Variants in RGL1 observed in about 807,000 individuals in gnomAD.
RGL1 encodes the protein ral guanine nucleotide dissociation stimulator like 1, also known as ral guanine nucleotide dissociation stimulator-like 1.
Under a neutral mutation model 95.2 loss-of-function variants are expected in RGL1, and 24 were observed. The ratio of observed to expected loss-of-function variants is 0.25; its 90% CI spans 0.18 to 0.35. RGL1 has a LOEUF of 0.35. RGL1 is among the 10% of genes least tolerant of loss of function. The pLI, the probability that RGL1 is intolerant of heterozygous loss-of-function variation, is 1.00. For missense variants in RGL1, 715 were observed against 936.3 expected (o/e 0.76, Z 3.08); for synonymous variants, 329 against 344.9 (o/e 0.95, Z 0.51).
chr1:183,666,212 T>A (rs1221035853), intron 1 of RGL1, among the ~76,000 whole-genome samples: 2 of 151,818 alleles, frequency 1.3e-5, no homozygotes, highest in Non-Finnish European at 2.9e-5. Flanking sequence ...TCCATGTTGG[T>A]CAGGCTGGTC....
chr1:183,791,508 T>C (rs1660439670), intron 2 of RGL1, among the ~76,000 whole-genome samples: 1 of 152,226 alleles, frequency 6.6e-6, no homozygotes, highest in African/African-American at 2.4e-5. Context: ...CAAATATTTC[T>C]GGGAAAACAC....
intron 3 of RGL1, among the ~76,000 whole-genome samples, chr1:183,864,255 TA>T (rs1558256968): frequency 6.6e-6 from 1 of 152,188 alleles, no homozygotes; most frequent in African/African-American, 2.4e-5. Context: ...AGTTGAAAGA[TA>T]AAAAGATGTG....
At chr1:183,902,254 G>C (rs992121827) in intron 11 of RGL1, among the ~76,000 whole-genome samples, 3 of 152,192 alleles carry the variant, frequency 2.0e-5, no homozygotes, top group African/African-American at 7.2e-5. Flanking sequence ...AAGTGTAATG[G>C]AATATTTACT....
intron 8 of RGL1, among the ~76,000 whole-genome samples, chr1:183,890,502 T>G (rs1157489968): frequency 3.3e-5 from 5 of 152,200 alleles, no homozygotes; most frequent in African/African-American, 1.2e-4. Flanking sequence ...ACTACAGAAG[T>G]GTCACAGTTC....
intron 1 of RGL1, among the ~76,000 whole-genome samples, chr1:183,740,594 T>C (rs1657232000): frequency 6.6e-6 from 1 of 152,218 alleles, no homozygotes; most frequent in Non-Finnish European, 1.5e-5. Flanking sequence ...TGAAGACATT[T>C]CCATGAAAAC....
intron 2 of RGL1, among the ~76,000 whole-genome samples, chr1:183,766,434 T>C (rs1658970376): frequency 6.6e-6 from 1 of 152,112 alleles, no homozygotes. Flanking sequence ...CTCCAGTCAA[T>C]ATAATTTTCT....
At chr1:183,803,430 A>G (rs760814845), upstream of RGL1, among the ~76,000 whole-genome samples, 1 of 152,208 alleles carries the variant, frequency 6.6e-6, no homozygotes, top group Non-Finnish European at 1.5e-5. Context: ...AGGTTCACTC[A>G]CTGCAAGGCT....
At chr1:183,663,956 T>C (rs1019591738) in intron 1 of RGL1, among the ~76,000 whole-genome samples, 3 of 150,498 alleles carry the variant, frequency 2.0e-5, no homozygotes, top group Non-Finnish European at 4.4e-5. Context: ...AGTAAACCAT[T>C]GCAAGAACAA....
intron 1 of RGL1, chr1:183,742,106 C>A: frequency 6.2e-7 from 1 of 1,602,486 alleles, no homozygotes; most frequent in Non-Finnish European, 8.5e-7. Context: ...ACCTGGATCA[C>A]ACTTTATTCT....
intron 1 of RGL1, among the ~76,000 whole-genome samples, chr1:183,740,784 G>T (rs963367995): frequency 6.6e-6 from 1 of 152,112 alleles, no homozygotes; most frequent in African/African-American, 2.4e-5. Context: ...TATAAGATCT[G>T]CTGCCTCCTT....
At chr1:183,687,122 G>A (rs1572276498) in intron 1 of RGL1, among the ~76,000 whole-genome samples, 3 of 152,210 alleles carry the variant, frequency 2.0e-5, no homozygotes, top group Admixed American at 2.0e-4. Context: ...CCCTCTGTCT[G>A]TCATCACCAT....
chr1:183,647,792 G>C lies in RGL1; in HGVS notation c.-33+11291G>C. The C allele has an allele frequency of 2.5e-6, 4 of 1,614,128 alleles. 1 individual carries two copies. In the South Asian group the frequency reaches 4.4e-5, roughly 18 times the overall value. ...CAGTGGGAAGCCTTCCAAGGTCCTT[G>C]GTTTCCTGGAATGACATTTGAGGCA... On this transcript the variant is annotated intron_variant, in intron 1 of 18. Transcript: ENST00000304685.
chr1:183,715,890 T>C (rs894707135), intron 1 of RGL1, among the ~76,000 whole-genome samples: 1 of 152,156 alleles, frequency 6.6e-6, no homozygotes, highest in East Asian at 1.9e-4. Context: ...GCTGATGTTG[T>C]AGTTCTAGTG....
intron 1 of RGL1, among the ~76,000 whole-genome samples, chr1:183,651,880 T>C (rs1245507568): frequency 6.6e-6 from 1 of 152,190 alleles, no homozygotes; most frequent in African/African-American, 2.4e-5. Context: ...ACCTCCTCCT[T>C]GCTTAGCCTT....
chr1:183,748,312 C>G (rs939298675), intron 2 of RGL1, among the ~76,000 whole-genome samples: 1 of 150,842 alleles, frequency 6.6e-6, no homozygotes, highest in African/African-American at 2.4e-5. Context: ...TCTCTAACTC[C>G]TTGAGTTCTG....
rs550634088 is a variant in RGL1, at chr1:183,697,346, T to C, written c.-32-44780T>C. Among the ~76,000 whole-genome samples the C allele has an allele frequency of 1.3e-3, 200 of 152,196 alleles. 1 individual carries two copies. The highest frequency in any genetic ancestry group is 2.4e-3 in the Non-Finnish European group (166 of 68,030). ...TATTTCTCCCTATTGTGTTTATTAT[T>C]TTCTAATATTTTACATGGTTTGCTT... On this transcript the variant is annotated intron_variant, in intron 1 of 18. Transcript: ENST00000304685.
chr1:183,712,685 T>C (rs1310292663), intron 1 of RGL1, among the ~76,000 whole-genome samples: 1 of 152,188 alleles, frequency 6.6e-6, no homozygotes, highest in Admixed American at 6.5e-5. Context: ...ATAATTTAGT[T>C]TATGTCTTCA....
chr1:183,664,785 G>T (rs1291777550), intron 1 of RGL1, among the ~76,000 whole-genome samples: 2 of 151,878 alleles, frequency 1.3e-5, no homozygotes, highest in African/African-American at 4.8e-5. Flanking sequence ...GGAGTTTTTC[G>T]GTCAATTCTT....
Position 183,676,177 on chromosome 1 carries a change from A to C in RGL1, c.-33+39676A>C, listed in dbSNP as rs574171678. Among the ~76,000 whole-genome samples the C allele has an allele frequency of 1.4e-4, 21 of 152,320 alleles. 1 individual carries two copies. In the South Asian group the frequency reaches 4.4e-3, roughly 32 times the overall value. On this transcript the variant is annotated intron_variant, in intron 1 of 18. Transcript: ENST00000304685. ...ATAATAATAAATAAATAAAAGGAGA[A>C]GAAGAACAAATAGAACAGAATGAGA... is the stretch of plus-strand genomic sequence containing the variant.
Sources: gnomAD v4.1 joint callset for allele counts (sites outside exome capture counted in the v4.1 genomes callset) on GRCh38, gnomAD v4.1.1 for gene constraint, MANE v1.5 for transcripts, NCBI Gene and HGNC (gene_info 2026-07-23, HGNC 2026-07-21) for gene names.